ZNF79: variants seen among roughly 807,000 people sequenced by gnomAD.
ZNF79 encodes the protein ZNFpT7.
Under a neutral mutation model 14.9 loss-of-function variants are expected in ZNF79, and 13 were observed. The ratio of observed to expected loss-of-function variants is 0.87; its 90% confidence interval spans 0.57 to 1.38. The LOEUF (loss-of-function observed/expected upper bound fraction) is 1.38. ZNF79 is among the 40% of genes most tolerant of loss of function. ZNF79 has a pLI of 0.00. For missense variants in ZNF79, 631 were observed against 630.6 expected, an observed-to-expected ratio of 1.00 and a Z score of -0.01; for synonymous variants, 223 against 235.1, an observed-to-expected ratio of 0.95 and a Z score of 0.47.
At position 127,435,254 on chromosome 9, in the gene ZNF79, A is replaced by G. The variant is rs769372323; in HGVS notation, c.232+38A>G. 44 of 1,549,714 alleles carry G rather than the reference A, an allele frequency of 2.8e-5. No homozygotes were observed. The East Asian group carries it at 1.0e-3, about 36-fold the overall frequency. ...TTTCTTTAAGATTTAGAATCACTCA[A>G]TTCTGAAAATCTGTGGCACTTGCTT... On this transcript the variant is annotated intron_variant, in intron 3 of 4. Coordinates refer to ENST00000342483, the MANE Select transcript of ZNF79 (RefSeq NM_007135.3).
chr9:127,438,565 G>A (rs1833989699), intron 4 of ZNF79, among the ~76,000 whole-genome samples: 1 of 152,150 alleles, frequency 6.6e-6, no homozygotes, highest in South Asian at 2.1e-4. Context: ...GATGAGATTG[G>A]ACAGAAAGGG....
intron 2 of ZNF79, among the ~76,000 whole-genome samples, chr9:127,434,055 C>T (rs1340433505): frequency 1.3e-5 from 2 of 152,154 alleles, no homozygotes; most frequent in Admixed American, 6.6e-5. Flanking sequence ...ACATTCTGAC[C>T]TCAACAACCT....
rs142195752 is a variant in ZNF79 at position 127,444,017 on chromosome 9, T to G, written c.329-12T>G. 1 of 473,364 alleles carries G rather than the reference T, an allele frequency of 2.1e-6. No individual in the cohort carries two copies. Among genetic ancestry groups the G allele is most frequent in the Non-Finnish European group, 3.3e-6 (1 of 302,926 alleles). 29.3% of individuals were successfully genotyped at this position (473,364 alleles called of 1,614,324 possible). A position where few individuals can be genotyped will look rare whatever the true frequency, so the allele number is the denominator to read the frequency against. On this transcript the variant is annotated splice_polypyrimidine_tract_variant and intron_variant, in intron 4 of 4. Coordinates refer to ENST00000342483, the MANE Select transcript of ZNF79 (RefSeq NM_007135.3). ...ACCAAGGGAACACAACAGCTTTTCA[T>G]TTTTTTTTCAGGCTGGAAGATTATA...
At position 127,425,447 on chromosome 9, in the gene ZNF79, C is replaced by A. The variant is rs748106163; in HGVS notation, c.16+644C>A. On this transcript the variant is annotated intron_variant, in intron 1 of 4. Transcript: ENST00000342483. ...ACAGAACAAATGTGTAAGCAGGCAA[C>A]CTCTTTTAAGTCTTAACCACCAACA... Among the ~76,000 whole-genome samples the A allele has an allele frequency of 3.9e-5, 6 of 152,314 alleles. 1 individual carries two copies. In the South Asian group the frequency reaches 6.2e-4, roughly 16 times the overall value.
Position 127,444,030 on chromosome 9 carries a change from C to T in ZNF79, c.330C>T (p.Gly110=). 1.3e-6 allele frequency: 2 copies of T among 1,566,892 alleles called. No homozygotes were observed. The highest frequency in any genetic ancestry group is 1.2e-5 in the South Asian group (1 of 85,880). Reference sequence around the variant, plus strand: ...AACAGCTTTTCATTTTTTTTTCAGGCTGGAAGATTATATCTGGATCACCAC... The same window carrying T: ...AACAGCTTTTCATTTTTTTTTCAGGTTGGAAGATTATATCTGGATCACCAC... ...EGEDLRSPSP[G]WKIISGSPPE... is the part of the protein sequence containing the mutation. The change falls in exon 5 of 5, where the codon GGC becomes GGT. Residue 110 remains glycine, a splice_region_variant and synonymous_variant. Transcript: ENST00000342483.
chr9:127,440,546 A>G (rs905853248), intron 4 of ZNF79, among the ~76,000 whole-genome samples: 2 of 152,192 alleles, frequency 1.3e-5, no homozygotes, highest in African/African-American at 4.8e-5. Context: ...CACCTAAGAA[A>G]ATAAGCCATT....
intron 1 of ZNF79, 62 bp downstream of exon 1, chr9:127,424,865 T>A: frequency 6.2e-7 from 1 of 1,609,550 alleles, no homozygotes; most frequent in Non-Finnish European, 8.5e-7. Context: ...TGCCCACGAC[T>A]GCCGCTGTGT....
chr9:127,430,323 T>C (rs1430346575), intron 2 of ZNF79, among the ~76,000 whole-genome samples: 1 of 152,176 alleles, frequency 6.6e-6, no homozygotes, highest in Non-Finnish European at 1.5e-5. Context: ...AATGGTTGTA[T>C]TATATGATGC....
At chr9:127,429,690 A>G (rs1030247649) in intron 2 of ZNF79, among the ~76,000 whole-genome samples, 1 of 152,016 alleles carries the variant, frequency 6.6e-6, no homozygotes, top group Non-Finnish European at 1.5e-5. Flanking sequence ...AAAGTAATTC[A>G]TGTTCCCCAC....
intron 1 of ZNF79, 39 bp downstream of exon 1, chr9:127,424,842 C>T: frequency 1.9e-6 from 3 of 1,612,950 alleles, no homozygotes; most frequent in Non-Finnish European, 2.5e-6. Context: ...AAGAGATCGG[C>T]TGCTGCTTCG....
chr9:127,429,502 T>C (rs1833822666), intron 2 of ZNF79, among the ~76,000 whole-genome samples: 1 of 151,490 alleles, frequency 6.6e-6, no homozygotes, highest in African/African-American at 2.4e-5. Flanking sequence ...TTTTTTTTTT[T>C]TTAACTTTTG....
intron 4 of ZNF79, among the ~76,000 whole-genome samples, chr9:127,442,788 G>C (rs547246727): frequency 6.6e-6 from 1 of 152,258 alleles, no homozygotes; most frequent in East Asian, 1.9e-4. Flanking sequence ...ATTGAGCCCA[G>C]GAGGTCGAGG....
chr9:127,424,780 G>A lies in ZNF79; in HGVS notation c.-8G>A, dbSNP rs766849108. The stretch of plus-strand genomic sequence containing the variant: ...TGCTGGGAGGCTGTGGCGCGAGGCG[G>A]GACTCAAATGCTGGAGGAAGGAGGT... On this transcript the variant is annotated 5_prime_UTR_variant, in exon 1 of 5. Transcript: ENST00000342483. 1 of 1,613,918 alleles carries A rather than the reference G, an allele frequency of 6.2e-7. No individual in the cohort carries two copies. The highest frequency in any genetic ancestry group is 8.5e-7 in the Non-Finnish European group (1 of 1,180,014).
At chr9:127,433,331 C>T (rs1312398669) in intron 2 of ZNF79, among the ~76,000 whole-genome samples, 22 of 152,182 alleles carry the variant, frequency 1.4e-4, no homozygotes, top group Non-Finnish European at 8.8e-5. Flanking sequence ...ACCCAGGTTG[C>T]TGGCTTGGCC....
intron 3 of ZNF79, among the ~76,000 whole-genome samples, chr9:127,435,499 T>C (rs117418866): frequency 0.012 from 1,773 of 152,298 alleles, 16 homozygotes; most frequent in South Asian, 0.041. Context: ...TCTTCCTAAA[T>C]TGGGGACTTG....
intron 2 of ZNF79, among the ~76,000 whole-genome samples, chr9:127,432,249 G>A (rs1679532083): frequency 6.6e-6 from 1 of 150,436 alleles, no homozygotes; most frequent in Admixed American, 6.7e-5. Context: ...CCGGGTTCAT[G>A]CCATTCTGCT....
In ZNF79 at chr9:127,444,047, G is replaced by T. The variant is rs746399158; in HGVS notation, c.347G>T (p.Gly116Val). The T allele has an allele frequency of 6.3e-7, 1 of 1,590,452 alleles. No homozygotes were observed. Among genetic ancestry groups the T allele is most frequent in the South Asian group, 1.1e-5 (1 of 89,050 alleles). The change falls in exon 5 of 5, where the codon GGA becomes GTA. Residue 116 changes from glycine to valine, a missense_variant. Gly to Val is a moderately radical substitution (Grantham distance 109). Transcript: ENST00000342483. ...TTTTCAGGCTGGAAGATTATATCTGGATCACCACCAGAGCAAGCCCTTTCT... is the reference window on the plus strand; with the variant it reads ...TTTTCAGGCTGGAAGATTATATCTGTATCACCACCAGAGCAAGCCCTTTCT... ...SPSPGWKIIS[G>V]SPPEQALSEA...
Position 127,444,081 on chromosome 9 carries a change from A to T in ZNF79, c.381A>T (p.Ser127=). ...CAGAGCAAGCCCTTTCTGAAGCTTC[A>T]TTCCAAGACCCATGTGTAGAGATGC... ...SPPEQALSEA[S]FQDPCVEMPP... The change falls in exon 5 of 5, where the codon TCA becomes TCT. Residue 127 remains serine (S), a synonymous_variant. Transcript: ENST00000342483. The T allele has an allele frequency of 1.9e-6, 3 of 1,609,896 alleles. No individual in the cohort carries two copies. The highest frequency in any genetic ancestry group is 2.5e-6 in the Non-Finnish European group (3 of 1,178,200).
chr9:127,430,348 C>T (rs951005633), intron 2 of ZNF79, among the ~76,000 whole-genome samples: 21 of 152,034 alleles, frequency 1.4e-4, no homozygotes, highest in African/African-American at 5.1e-4. Context: ...GTTTGGGGTA[C>T]AGATGATGTA....
Sources: allele counts gnomAD v4.1 joint callset (sites outside exome capture counted in the v4.1 genomes callset), GRCh38; gene constraint gnomAD v4.1.1; transcripts MANE v1.5; gene names NCBI Gene and HGNC (gene_info 2026-07-23, HGNC 2026-07-21).